DLGAP1: variants seen among roughly 807,000 people sequenced by gnomAD.
The protein encoded by DLGAP1 is disks large-associated protein 1.
Under a neutral mutation model 90.8 loss-of-function variants are expected in DLGAP1, and 11 were observed. The ratio of observed to expected loss-of-function variants is 0.12; its 90% confidence interval spans 0.08 to 0.20. The LOEUF (loss-of-function observed/expected upper bound fraction) is 0.20. Among genes scored for constraint, DLGAP1 ranks in the 10% least tolerant of loss-of-function variants. DLGAP1 has a pLI of 1.00. For missense variants in DLGAP1, 1,050 were observed against 1,333.8 expected, an observed-to-expected ratio of 0.79 and a Z score of 3.31; for synonymous variants, 558 against 540.7, an observed-to-expected ratio of 1.03 and a Z score of -0.44.
chr18:4,455,028 C>T lies in DLGAP1; in HGVS notation c.-289G>A, dbSNP rs1326646532. ...TACCTGGCCGCGTCCCGCAGTCCGGCCCTCGCTGGCTGCGTCCGTCCGTTG... is the reference window on the plus strand; with the variant it reads ...TACCTGGCCGCGTCCCGCAGTCCGGTCCTCGCTGGCTGCGTCCGTCCGTTG... On this transcript the variant is annotated 5_prime_UTR_variant, in exon 1 of 13. Transcript: ENST00000315677. The T allele has an allele frequency of 6.6e-6, 1 of 151,570 alleles. No homozygotes were observed. Among genetic ancestry groups the T allele is most frequent in the Non-Finnish European group, 1.5e-5 (1 of 67,906 alleles). 9.4% of individuals were successfully genotyped at this position (151,570 alleles called of 1,614,324 possible). A position where few individuals can be genotyped will look rare whatever the true frequency, so the allele number is the denominator to read the frequency against.
Position 3,981,656 on chromosome 18 carries a change from C to T in DLGAP1, c.-73+23460G>A, listed in dbSNP as rs796280124. 1.2e-4 allele frequency among the ~76,000 whole-genome samples: 19 copies of T among 152,320 alleles called. 1 individual carries two copies. Among genetic ancestry groups the T allele is most frequent in the African/African-American group, 4.3e-4 (18 of 41,578 alleles). ...GTAGACTAGGTGAGAAAAACTCTCA[C>T]TAAATCTCCAATGCCCTTCAGATTC... On this transcript the variant is annotated intron_variant, in intron 3 of 12. Transcript: ENST00000315677.
intron 6 of DLGAP1, among the ~76,000 whole-genome samples, chr18:3,741,923 A>G (rs889409319): frequency 2.0e-4 from 30 of 151,402 alleles, no homozygotes; most frequent in Admixed American, 1.8e-3. Flanking sequence ...GTTCACTGCA[A>G]CCTCTGCCTC....
intron 1 of DLGAP1, among the ~76,000 whole-genome samples, chr18:4,278,747 T>TACACAC (rs74515144): frequency 0.2 from 29,429 of 149,964 alleles, 3,017 homozygotes; most frequent in African/African-American, 0.25. Context: ...GAAAATGTTA[T>TACACAC]ACACACACAC....
intron 1 of DLGAP1, among the ~76,000 whole-genome samples, chr18:4,333,815 TG>T (rs2143761083): frequency 6.6e-6 from 1 of 151,288 alleles, no homozygotes; most frequent in South Asian, 2.1e-4. Context: ...TTATCCAGGA[TG>T]GTCTCTATCT....
intron 1 of DLGAP1, among the ~76,000 whole-genome samples, chr18:4,205,426 T>C (rs1042695391): frequency 6.6e-6 from 1 of 152,206 alleles, no homozygotes; most frequent in Non-Finnish European, 1.5e-5. Context: ...GATTGTAGAT[T>C]GTATCCTTTG....
intron 3 of DLGAP1, among the ~76,000 whole-genome samples, chr18:3,904,463 G>A (rs1472285688): frequency 6.6e-6 from 1 of 151,144 alleles, no homozygotes; most frequent in Non-Finnish European, 1.5e-5. Flanking sequence ...TTAAGCCTGG[G>A]GTTAAGCCAA....
intron 7 of DLGAP1, chr18:3,656,039 A>G: frequency 6.6e-7 from 1 of 1,521,402 alleles, no homozygotes. Flanking sequence ...ACGCTATGCA[A>G]CCTTTAAGCA....
At chr18:4,329,671 GGTTAT>G (rs769254840) in intron 1 of DLGAP1, among the ~76,000 whole-genome samples, 29 of 151,690 alleles carry the variant, frequency 1.9e-4, no homozygotes, top group Non-Finnish European at 2.4e-4. Flanking sequence ...TAAATTTCTT[GGTTAT>G]GTTTTCAGTC....
At chr18:4,269,953 G>A (rs2079238154) in intron 1 of DLGAP1, among the ~76,000 whole-genome samples, 1 of 152,094 alleles carries the variant, frequency 6.6e-6, no homozygotes, top group Admixed American at 6.5e-5. Context: ...CTTTTCTACT[G>A]CAGCTTGTTT....
At chr18:4,390,393 T>C (rs577529807) in intron 1 of DLGAP1, among the ~76,000 whole-genome samples, 31 of 152,090 alleles carry the variant, frequency 2.0e-4, no homozygotes, top group African/African-American at 6.5e-4. Context: ...CCACAGTTTC[T>C]ACATCAGGGC....
intron 5 of DLGAP1, among the ~76,000 whole-genome samples, chr18:3,790,328 CATG>C (rs759734372): frequency 6.6e-6 from 1 of 150,710 alleles, no homozygotes; most frequent in Non-Finnish European, 1.5e-5. Context: ...AGTACAGTGG[CATG>C]ATGATAGCTC....
intron 1 of DLGAP1, among the ~76,000 whole-genome samples, chr18:4,272,982 G>A (rs1027611573): frequency 2.6e-5 from 4 of 152,240 alleles, no homozygotes; most frequent in Admixed American, 2.6e-4. Context: ...GGAGCCATGA[G>A]AAGCTAGGAT....
chr18:4,179,890 T>C (rs1194615839), intron 1 of DLGAP1, among the ~76,000 whole-genome samples: 2 of 152,206 alleles, frequency 1.3e-5, no homozygotes, highest in Non-Finnish European at 2.9e-5. Context: ...TCAGTGTCTG[T>C]ATTTTTCAAA....
chr18:3,644,461 A>G (rs1278313047), intron 7 of DLGAP1, among the ~76,000 whole-genome samples: 2 of 150,676 alleles, frequency 1.3e-5, no homozygotes, highest in East Asian at 1.9e-4. Flanking sequence ...CCCAGGCTGG[A>G]GTGTAATGGC....
chr18:4,082,230 T>A (rs891015476), intron 2 of DLGAP1, among the ~76,000 whole-genome samples: 12 of 150,680 alleles, frequency 8.0e-5, no homozygotes, highest in African/African-American at 2.9e-4. Context: ...TAATCCCAGT[T>A]ACTTGGGAGG....
At chr18:3,788,480 C>T (rs767081978) in intron 5 of DLGAP1, among the ~76,000 whole-genome samples, 2 of 152,198 alleles carry the variant, frequency 1.3e-5, no homozygotes, top group African/African-American at 2.4e-5. Context: ...ATCCCACAAA[C>T]ATTTCAAACC....
Position 3,750,621 on chromosome 18 carries a change from T to C in DLGAP1, c.1173-8109A>G, listed in dbSNP as rs551895273. 6.6e-5 allele frequency among the ~76,000 whole-genome samples: 10 copies of C among 152,348 alleles called. No homozygotes were observed. The East Asian group carries it at 1.9e-3, about 29-fold the overall frequency. On this transcript the variant is annotated intron_variant, in intron 5 of 12. Coordinates refer to ENST00000315677, the MANE Select transcript of DLGAP1 (RefSeq NM_004746.4). ...CTAACCATGCTCCTATCATGAGTCC[T>C]GTATCCTTGAATGTATCTCTCTTGT...
chr18:4,015,118 A>C (rs1016500372), intron 2 of DLGAP1, among the ~76,000 whole-genome samples: 1 of 152,086 alleles, frequency 6.6e-6, no homozygotes, highest in East Asian at 1.9e-4. Context: ...CCTGACGGTG[A>C]CTCTTCTGTG....
At chr18:3,566,683 T>C (rs192821478) in intron 9 of DLGAP1, among the ~76,000 whole-genome samples, 33 of 152,262 alleles carry the variant, frequency 2.2e-4, no homozygotes, top group African/African-American at 7.7e-4. Context: ...TGAAAGTTAG[T>C]AGCAAAGTTG....
Sources: allele counts gnomAD v4.1 joint callset (sites outside exome capture counted in the v4.1 genomes callset), GRCh38; gene constraint gnomAD v4.1.1; transcripts MANE v1.5; gene names NCBI Gene and HGNC (gene_info 2026-07-23, HGNC 2026-07-21).